The following MAPK10 variants were observed in gnomAD, a reference collection of about 807,000 sequenced individuals.
The protein encoded by MAPK10 is mitogen-activated protein kinase 10, also known as JNK3 alpha protein kinase.
MAPK10 carries 25 observed loss-of-function variants against 59.3 expected under a neutral mutation model. The observed-to-expected ratio is 0.42, with a 90% confidence interval of 0.31 to 0.59. The LOEUF (loss-of-function observed/expected upper bound fraction) is 0.59, where lower values mean the gene tolerates loss of function less well. Ranked by LOEUF, MAPK10 falls within the 20% of genes least tolerant of loss-of-function variation. MAPK10 has a pLI of 0.15. For missense variants in MAPK10, 351 were observed against 568.9 expected, an observed-to-expected ratio of 0.62 and a Z score of 3.90; for synonymous variants, 190 against 200.5, an observed-to-expected ratio of 0.95 and a Z score of 0.44.
intron 2 of MAPK10, among the ~76,000 whole-genome samples, chr4:86,284,738 C>T (rs1162482039): frequency 2.6e-5 from 4 of 152,178 alleles, no homozygotes; most frequent in South Asian, 2.1e-4. Context: ...GATTCTGTCT[C>T]GACAGAGAGT....
At chr4:86,463,843 A>C (rs904157057) in intron 1 of MAPK10, among the ~76,000 whole-genome samples, 1 of 152,188 alleles carries the variant, frequency 6.6e-6, no homozygotes, top group Non-Finnish European at 1.5e-5. Context: ...CTAATCAAAA[A>C]GCAAGTCCAT....
chr4:86,314,095 C>T (rs1050626492), intron 2 of MAPK10, among the ~76,000 whole-genome samples: 9 of 152,022 alleles, frequency 5.9e-5, no homozygotes, highest in African/African-American at 2.2e-4. Context: ...CAGTATTTAC[C>T]ATATAATGCC....
rs1369427379 is a variant in MAPK10, at chr4:86,139,593, A to T, written c.236+19705T>A. On this transcript the variant is annotated intron_variant, in intron 4 of 13. Transcript: ENST00000641462. Reference sequence around the variant, plus strand: ...ACCATAAAAACCCTAGAAGAAAACCAAGGCATTACCATTCAGGACATAGGC... The same window carrying T: ...ACCATAAAAACCCTAGAAGAAAACCTAGGCATTACCATTCAGGACATAGGC... Among the ~76,000 whole-genome samples the T allele has an allele frequency of 3.2e-3, 490 of 152,236 alleles. 2 individuals are homozygous for T. Among genetic ancestry groups the T allele is most frequent in the Non-Finnish European group, 6.0e-3 (410 of 67,992 alleles).
chr4:86,029,298 A>T lies in MAPK10; in HGVS notation c.1175-24T>A, dbSNP rs760126305. 3 of 1,459,162 alleles carry T rather than the reference A, an allele frequency of 2.1e-6. No individual in the cohort carries two copies. In the South Asian group the frequency reaches 3.4e-5, roughly 17 times the overall value. The allele number at this position is 1,459,162 out of a possible 1,614,324, so 90.4% of individuals were successfully genotyped here. Reference sequence around the variant, plus strand: ...TTCTGTAAGAAACAGCTGTGTTATTATAGAAAACAAATTTATCCTTCATCC... The same window carrying T: ...TTCTGTAAGAAACAGCTGTGTTATTTTAGAAAACAAATTTATCCTTCATCC... On this transcript the variant is annotated intron_variant, in intron 12 of 13. Coordinates refer to ENST00000641462, the MANE Select transcript of MAPK10 (RefSeq NM_138982.4).
chr4:86,190,444 G>T (rs985386282), intron 3 of MAPK10, among the ~76,000 whole-genome samples: 3 of 152,066 alleles, frequency 2.0e-5, no homozygotes, highest in African/African-American at 7.2e-5. Context: ...GTCTATTCAG[G>T]GATTTAACTT....
chr4:86,353,648 T>C (rs1035497231), intron 2 of MAPK10, among the ~76,000 whole-genome samples: 1 of 152,184 alleles, frequency 6.6e-6, no homozygotes, highest in Non-Finnish European at 1.5e-5. Flanking sequence ...AACTCTAGGA[T>C]TAATTTCATC....
At chr4:86,082,930 C>A (rs937349502) in intron 9 of MAPK10, among the ~76,000 whole-genome samples, 11 of 152,286 alleles carry the variant, frequency 7.2e-5, no homozygotes, top group African/African-American at 2.2e-4. Flanking sequence ...TCTAGCCATG[C>A]TGTCAGGCAA....
chr4:86,274,608 C>T (rs1453729459), intron 2 of MAPK10, among the ~76,000 whole-genome samples: 4 of 151,784 alleles, frequency 2.6e-5, no homozygotes, highest in Non-Finnish European at 5.9e-5. Flanking sequence ...CTGCTATTCT[C>T]TTTTTTTCTC....
intron 2 of MAPK10, among the ~76,000 whole-genome samples, chr4:86,265,001 C>T (rs1326567754): frequency 6.7e-6 from 1 of 150,222 alleles, no homozygotes; most frequent in Non-Finnish European, 1.5e-5. Flanking sequence ...AAGCAATTCA[C>T]CTGCCTCAGC....
At chr4:86,320,595 C>A (rs2095869602) in intron 2 of MAPK10, among the ~76,000 whole-genome samples, 1 of 152,260 alleles carries the variant, frequency 6.6e-6, no homozygotes, top group East Asian at 1.9e-4. Flanking sequence ...AATTTTCTCC[C>A]ATTTTGTAGG....
chr4:86,505,306 G>A (rs567693054), intron 1 of MAPK10, among the ~76,000 whole-genome samples: 288 of 152,186 alleles, frequency 1.9e-3, no homozygotes, highest in Non-Finnish European at 3.2e-3. Flanking sequence ...TAAAATAAAA[G>A]TTTAAATTAT....
At chr4:86,098,336 T>G (rs1422413966) in intron 9 of MAPK10, 188 bp downstream of exon 9, 1 of 641,134 alleles carries the variant, frequency 1.6e-6, no homozygotes, top group East Asian at 3.4e-5. Flanking sequence ...GAAATTTAAT[T>G]AAAAGAAATC....
intron 9 of MAPK10, among the ~76,000 whole-genome samples, chr4:86,086,345 C>G (rs1222685019): frequency 6.6e-6 from 1 of 151,834 alleles, no homozygotes; most frequent in African/African-American, 2.4e-5. Flanking sequence ...GGTAGCACAA[C>G]AGGGTGACTA....
At chr4:86,229,186 A>G (rs767704453) in intron 2 of MAPK10, among the ~76,000 whole-genome samples, 14 of 152,202 alleles carry the variant, frequency 9.2e-5, no homozygotes, top group Non-Finnish European at 1.6e-4. Context: ...TAGGGTCCAC[A>G]TGAAGTTTAA....
At chr4:86,592,891 C>A (rs1440619692) in intron 1 of MAPK10, among the ~76,000 whole-genome samples, 1 of 152,206 alleles carries the variant, frequency 6.6e-6, no homozygotes, top group African/African-American at 2.4e-5. Context: ...AGTTTGGCTG[C>A]ACATTTTAGC....
chr4:86,139,602 C>T (rs2063133864), intron 4 of MAPK10, among the ~76,000 whole-genome samples: 1 of 152,144 alleles, frequency 6.6e-6, no homozygotes, highest in Non-Finnish European at 1.5e-5. Context: ...CAAGGCATTA[C>T]CATTCAGGAC....
chr4:86,280,063 G>A (rs2094738057), intron 2 of MAPK10, among the ~76,000 whole-genome samples: 1 of 152,130 alleles, frequency 6.6e-6, no homozygotes, highest in Non-Finnish European at 1.5e-5. Context: ...CAAACAATTT[G>A]TGGCTAAGTC....
chr4:86,198,328 A>C (rs1165432960), intron 2 of MAPK10, among the ~76,000 whole-genome samples: 1 of 152,036 alleles, frequency 6.6e-6, no homozygotes, highest in Non-Finnish European at 1.5e-5. Context: ...TCTCTTCAGT[A>C]ATGCAACTGT....
chr4:86,478,140 G>A (rs181827273), intron 1 of MAPK10, among the ~76,000 whole-genome samples: 47 of 152,136 alleles, frequency 3.1e-4, no homozygotes, highest in African/African-American at 7.0e-4. Flanking sequence ...GGATACTTTC[G>A]ACTTTGGATA....
Sources: gnomAD v4.1 joint callset for allele counts (sites outside exome capture counted in the v4.1 genomes callset) on GRCh38, gnomAD v4.1.1 for gene constraint, MANE v1.5 for transcripts, NCBI Gene and HGNC (gene_info 2026-07-23, HGNC 2026-07-21) for gene names.